EYA2: variants seen among roughly 807,000 people sequenced by gnomAD.
EYA2 encodes the protein protein phosphatase EYA2.
EYA2 carries 31 observed loss-of-function variants against 69.2 expected under a neutral mutation model. The ratio of observed to expected loss-of-function variants is 0.45; its 90% CI spans 0.34 to 0.60. EYA2 has a LOEUF of 0.60. EYA2 is among the 20% of genes least tolerant of loss of function. The pLI is 0.02. For missense variants in EYA2, 622 were observed against 701.2 expected (o/e 0.89, Z 1.28); for synonymous variants, 257 against 279.4 (o/e 0.92, Z 0.80).
intron 5 of EYA2, among the ~76,000 whole-genome samples, chr20:47,023,456 AT>A (rs1400507121): frequency 6.6e-6 from 1 of 151,948 alleles, no homozygotes; most frequent in Non-Finnish European, 1.5e-5. Flanking sequence ...TTTCCATCAA[AT>A]TTGGAAATTT....
intron 1 of EYA2, among the ~76,000 whole-genome samples, chr20:46,895,906 C>G (rs1190424221): frequency 2.0e-5 from 3 of 152,170 alleles, no homozygotes; most frequent in African/African-American, 7.2e-5. Flanking sequence ...TCCCCGAAGC[C>G]GAGGCTGAGA....
chr20:47,066,976 C>G (rs150041874), intron 5 of EYA2, among the ~76,000 whole-genome samples: 3 of 152,180 alleles, frequency 2.0e-5, no homozygotes, highest in African/African-American at 7.2e-5. Flanking sequence ...GGGCCACGTG[C>G]CCCCTTCTTC....
At chr20:47,174,077 C>T (rs1018838303) in intron 12 of EYA2, among the ~76,000 whole-genome samples, 2 of 152,214 alleles carry the variant, frequency 1.3e-5, no homozygotes, top group Non-Finnish European at 2.9e-5. Flanking sequence ...GTACTGCGCC[C>T]TCCTCAGGAG....
intron 1 of EYA2, among the ~76,000 whole-genome samples, chr20:46,923,762 T>C (rs1985287567): frequency 6.6e-6 from 1 of 152,118 alleles, no homozygotes; most frequent in African/African-American, 2.4e-5. Flanking sequence ...TAACAGCAGA[T>C]GCATCTGGGT....
chr20:46,994,874 C>T (rs948069259), intron 2 of EYA2, among the ~76,000 whole-genome samples: 5 of 151,432 alleles, frequency 3.3e-5, no homozygotes, highest in Non-Finnish European at 7.4e-5. Context: ...ATATTCAGAC[C>T]ACCTCTACTG....
chr20:46,987,545 G>T (rs985007396), intron 1 of EYA2, among the ~76,000 whole-genome samples: 8 of 152,096 alleles, frequency 5.3e-5, no homozygotes, highest in African/African-American at 9.7e-5. Flanking sequence ...ATTCCTGAGT[G>T]TAATTTTGTT....
At chr20:46,935,590 A>C (rs1985872549) in intron 1 of EYA2, among the ~76,000 whole-genome samples, 1 of 152,132 alleles carries the variant, frequency 6.6e-6, no homozygotes, top group Non-Finnish European at 1.5e-5. Flanking sequence ...CTTAGTGGCC[A>C]TGTGACCTTG....
At chr20:47,036,062 G>A (rs1984691857) in intron 5 of EYA2, among the ~76,000 whole-genome samples, 2 of 152,094 alleles carry the variant, frequency 1.3e-5, no homozygotes, top group Non-Finnish European at 2.9e-5. Flanking sequence ...TGGGGACCAC[G>A]GACCAGGCTG....
At chr20:47,117,493 T>C in intron 9 of EYA2, 1 of 985,300 alleles carries the variant, frequency 1.0e-6, no homozygotes, top group East Asian at 1.1e-4. Context: ...TCCACCACAG[T>C]CCTCCCCGAT....
chr20:46,962,666 C>T (rs571967289), intron 1 of EYA2, among the ~76,000 whole-genome samples: 10 of 152,310 alleles, frequency 6.6e-5, no homozygotes, highest in Admixed American at 5.2e-4. Flanking sequence ...TTCCTTCAGG[C>T]AGAGTGGGTG....
intron 1 of EYA2, among the ~76,000 whole-genome samples, chr20:46,955,881 A>G (rs1235320306): frequency 1.3e-5 from 2 of 152,278 alleles, no homozygotes; most frequent in Non-Finnish European, 2.9e-5. Flanking sequence ...GTAAATATTT[A>G]TAGCTTTGCA....
intron 2 of EYA2, among the ~76,000 whole-genome samples, chr20:46,994,215 G>C (rs1981867012): frequency 6.6e-6 from 1 of 152,198 alleles, no homozygotes. Flanking sequence ...TTACTGCGTT[G>C]TTGTGGAGAA....
intron 10 of EYA2, 148 bp from the exon 11 acceptor site, chr20:47,168,991 A>T (rs3092400): frequency 1.5e-6 from 1 of 673,314 alleles, no homozygotes; most frequent in African/African-American, 1.8e-5. Context: ...AACCTTGAGT[A>T]TCCAAATCCA....
At chr20:47,177,636 G>C (rs911239185) in intron 12 of EYA2, among the ~76,000 whole-genome samples, 2 of 152,262 alleles carry the variant, frequency 1.3e-5, no homozygotes, top group African/African-American at 4.8e-5. Flanking sequence ...CAGGATGAGA[G>C]AGCTGGCGGT....
rs983941030 is a variant in EYA2, at chr20:47,005,212, G to T, written c.298+128G>T. The T allele has an allele frequency of 3.8e-6, 4 of 1,052,860 alleles. No homozygotes were observed. In the African/African-American group the frequency reaches 6.3e-5, roughly 17 times the overall value. 65.2% of individuals were successfully genotyped at this position (1,052,860 alleles called of 1,614,324 possible). A position where few individuals can be genotyped will look rare whatever the true frequency, so the allele number is the denominator to read the frequency against. ...AGCTGATTTTGGATTAGAGATAAAGGGAAAAGAGTAACACTTTAAATATGG... is the reference window on the plus strand; with the variant it reads ...AGCTGATTTTGGATTAGAGATAAAGTGAAAAGAGTAACACTTTAAATATGG... On this transcript the variant is annotated intron_variant, in intron 4 of 15. Coordinates refer to ENST00000327619, the MANE Select transcript of EYA2 (RefSeq NM_005244.5).
chr20:47,016,296 C>A lies in EYA2; in HGVS notation c.414C>A (p.His138Gln). Residue 138 changes from histidine to glutamine, a missense_variant and splice_region_variant, in exon 5 of 16, where the codon CAC (histidine) becomes CAA (glutamine). His to Gln is a conservative substitution (Grantham distance 24, BLOSUM62 0). This residue lies in a region of EYA2 where 365 missense variants were observed against 349.7 expected (regional missense o/e 1.04). Transcript: ENST00000327619. ...AGAGCCCATACACCTACCAGATGCA[C>A]GGTCAGTGTGGCGCTGTGGCCCCTT... Reference protein sequence around the residue: ...TGQSPYTYQMHGTTGFYQGGN... With the variant: ...TGQSPYTYQMQGTTGFYQGGN... The A allele has an allele frequency of 6.2e-7, 1 of 1,611,838 alleles. No individual in the cohort carries two copies.
chr20:47,088,989 A>G (rs113057258), intron 7 of EYA2, among the ~76,000 whole-genome samples: 1,932 of 152,314 alleles, frequency 0.013, 36 homozygotes, highest in African/African-American at 0.043. Context: ...TGTGAGAACC[A>G]GGACATAATC....
intron 10 of EYA2, among the ~76,000 whole-genome samples, chr20:47,156,172 ATATATATATAT>A (rs2033944784): frequency 1.3e-5 from 1 of 78,682 alleles, no homozygotes; most frequent in Non-Finnish European, 2.5e-5. Flanking sequence ...ATATATATAT[ATATATATATAT>A]ATTAGCCGGG....
chr20:47,158,566 G>A (rs1163317694), intron 10 of EYA2, among the ~76,000 whole-genome samples: 1 of 151,514 alleles, frequency 6.6e-6, no homozygotes, highest in Non-Finnish European at 1.5e-5. Context: ...CCTGAGCCCA[G>A]GAACGATGAC....
Sources: allele counts gnomAD v4.1 joint callset (sites outside exome capture counted in the v4.1 genomes callset), GRCh38; gene constraint gnomAD v4.1.1; regional missense constraint gnomAD v4.1.1; transcripts MANE v1.5; gene names NCBI Gene and HGNC (gene_info 2026-07-23, HGNC 2026-07-21).